Variants in TRMT11 observed in about 807,000 individuals in gnomAD.
The protein encoded by TRMT11 is tRNA methyltransferase 11.
In TRMT11, 53 loss-of-function variants were observed where a neutral mutation model predicts 62.8. That is an observed-to-expected ratio of 0.84 (90% CI 0.68 to 1.06). The LOEUF (loss-of-function observed/expected upper bound fraction) is 1.06, where lower values mean the gene tolerates loss of function less well. Among genes scored for constraint, TRMT11 ranks in the 50% least tolerant of loss-of-function variants. The probability of loss-of-function intolerance (pLI) is 0.00; values close to 1 mark genes in which losing one functional copy is unlikely to be tolerated. For synonymous variants in TRMT11, 188 were observed against 190.3 expected, an observed-to-expected ratio of 0.99 and a Z score of 0.10; for missense variants, 556 against 553.4, an observed-to-expected ratio of 1.00 and a Z score of -0.05.
At chr6:126,100,966 G>A (rs552835083) in intron 17 of TRMT11, among the ~76,000 whole-genome samples, 1 of 152,176 alleles carries the variant, frequency 6.6e-6, no homozygotes, top group African/African-American at 2.4e-5. Flanking sequence ...TTCTATGCAC[G>A]GTTCACAGTG....
the TRMT11 span, among the ~76,000 whole-genome samples, chr6:126,261,847 G>C: frequency 6.6e-6 from 1 of 152,180 alleles, no homozygotes; most frequent in African/African-American, 2.4e-5. Context: ...GCTCTGTCAG[G>C]CTTTCCAGGG....
chr6:126,167,618 T>C (rs1436591719), intron 21 of TRMT11, among the ~76,000 whole-genome samples: 1 of 152,224 alleles, frequency 6.6e-6, no homozygotes, highest in South Asian at 2.1e-4. Context: ...GTGTTCAGCT[T>C]ATCTAAAAAA....
intron 12 of TRMT11, among the ~76,000 whole-genome samples, chr6:126,034,908 T>A (rs1334417628): frequency 6.6e-6 from 1 of 152,032 alleles, no homozygotes; most frequent in Non-Finnish European, 1.5e-5. Flanking sequence ...TATTCCTGGT[T>A]GAGACGCGCA....
intron 21 of TRMT11, among the ~76,000 whole-genome samples, chr6:126,125,181 G>T (rs1777701377): frequency 6.6e-6 from 1 of 151,956 alleles, no homozygotes; most frequent in South Asian, 2.1e-4. Context: ...CATTTTTAGA[G>T]GTTTTATTTT....
At chr6:126,176,995 C>T (rs1180911794), upstream of TRMT11, among the ~76,000 whole-genome samples, 1 of 150,284 alleles carries the variant, frequency 6.7e-6, no homozygotes, top group Non-Finnish European at 1.5e-5. Context: ...TAGACTTCAA[C>T]AGATGTTTTT....
chr6:126,215,534 A>T, the TRMT11 span, among the ~76,000 whole-genome samples: 481 of 152,046 alleles, frequency 3.2e-3, 5 homozygotes, highest in African/African-American at 0.011. Flanking sequence ...TTCTATTTGC[A>T]TAGAAGATCT....
At chr6:126,174,693 A>G (rs1206646619), upstream of TRMT11, among the ~76,000 whole-genome samples, 5 of 152,212 alleles carry the variant, frequency 3.3e-5, no homozygotes, top group Non-Finnish European at 5.9e-5. Context: ...AATTAAGGTT[A>G]TATCTAGTTA....
In TRMT11 at chr6:125,998,123, G is replaced by T; in HGVS notation, c.283G>T (p.Val95Leu). ...ELYSSLKNYP[V>L]EKMVPFLHSD... The stretch of plus-strand genomic sequence containing the variant: ...GTACAGTTCTCTTAAAAACTACCCT[G>T]TGGAGAAGATGGTGCGTAGTAAAAT... The change falls in exon 4 of 13, where the codon GTG becomes TTG. Residue 95 changes from valine to leucine, a missense_variant. By Grantham distance (32) the Val-to-Leu change is conservative. Coordinates refer to ENST00000334379, the MANE Select transcript of TRMT11 (RefSeq NM_001031712.3). The T allele has an allele frequency of 1.9e-6, 3 of 1,613,464 alleles. No individual in the cohort carries two copies. Among genetic ancestry groups the T allele is most frequent in the Non-Finnish European group, 2.5e-6 (3 of 1,179,452 alleles).
intron 21 of TRMT11, among the ~76,000 whole-genome samples, chr6:126,144,658 C>T (rs912823333): frequency 1.3e-5 from 2 of 152,166 alleles, no homozygotes; most frequent in Non-Finnish European, 2.9e-5. Context: ...CAGATGTCTA[C>T]ATCCCTTCAC....
At chr6:126,214,483 C>A in the TRMT11 span, among the ~76,000 whole-genome samples, 17,572 of 151,854 alleles carry the variant, frequency 0.12, 3,366 homozygotes, top group African/African-American at 0.4. Context: ...GTGTCTAGCA[C>A]TTTATTCATT....
intron 17 of TRMT11, among the ~76,000 whole-genome samples, chr6:126,085,891 T>C (rs1403723734): frequency 6.6e-6 from 1 of 152,194 alleles, no homozygotes; most frequent in Non-Finnish European, 1.5e-5. Context: ...TTGTAGAATA[T>C]TGATGACAGT....
At chr6:126,267,586 A>G in the TRMT11 span, among the ~76,000 whole-genome samples, 1 of 152,198 alleles carries the variant, frequency 6.6e-6, no homozygotes, top group Non-Finnish European at 1.5e-5. Flanking sequence ...TTACTCTGCT[A>G]AATTTACCAT....
At chr6:126,055,272 C>T (rs1251896519) in intron 17 of TRMT11, among the ~76,000 whole-genome samples, 1 of 152,122 alleles carries the variant, frequency 6.6e-6, no homozygotes, top group Non-Finnish European at 1.5e-5. Flanking sequence ...GCCTTTACGA[C>T]CTTTTAAAAA....
chr6:126,133,885 C>T (rs1174288168), intron 21 of TRMT11, among the ~76,000 whole-genome samples: 1 of 151,548 alleles, frequency 6.6e-6, no homozygotes, highest in South Asian at 2.1e-4. Flanking sequence ...AAAGAACTAC[C>T]CTTTCTCAAT....
chr6:126,193,855 C>T (rs1407593825), intron 1 of TRMT11, among the ~76,000 whole-genome samples: 1 of 152,004 alleles, frequency 6.6e-6, no homozygotes, highest in African/African-American at 2.4e-5. Flanking sequence ...TGCTGTATTT[C>T]ATGGTACAGT....
intron 17 of TRMT11, among the ~76,000 whole-genome samples, chr6:126,082,457 G>A (rs1034249547): frequency 6.6e-6 from 1 of 151,950 alleles, no homozygotes; most frequent in Non-Finnish European, 1.5e-5. Flanking sequence ...GTGTTCTCTT[G>A]TTGGAAGACT....
chr6:125,989,371 C>T (rs1394807633), intron 1 of TRMT11, among the ~76,000 whole-genome samples: 2 of 152,054 alleles, frequency 1.3e-5, no homozygotes, highest in Admixed American at 1.3e-4. Flanking sequence ...TGTGATCCGA[C>T]TGCCTCATGC....
chr6:126,198,387 G>GAGGAAAAAA (rs1454225708), intron 1 of TRMT11, among the ~76,000 whole-genome samples: 8 of 152,046 alleles, frequency 5.3e-5, no homozygotes, highest in African/African-American at 1.7e-4. Flanking sequence ...TTTTTTAAAG[G>GAGGAAAAAA]TAATTTTAAA....
In TRMT11 at chr6:126,081,738, T is replaced by C. The variant is rs149554518; in HGVS notation, c.*1437+28548T>C. Among the ~76,000 whole-genome samples, 778 of 152,246 alleles carry C rather than the reference T, an allele frequency of 5.1e-3. 11 individuals carry two copies. Among genetic ancestry groups the C allele is most frequent in the African/African-American group, 0.018 (735 of 41,544 alleles). On this transcript the variant is annotated intron_variant and NMD_transcript_variant, in intron 17 of 22. Transcript: ENST00000648977. The stretch of plus-strand genomic sequence containing the variant: ...TTACCCAATAGGCTGCCAGTTTTGA[T>C]TGTGGACCAGAGAGAGAGGGGGCCC...
Sources: gnomAD v4.1 joint callset for allele counts (sites outside exome capture counted in the v4.1 genomes callset) on GRCh38, gnomAD v4.1.1 for gene constraint, MANE v1.5 for transcripts, NCBI Gene and HGNC (gene_info 2026-07-23, HGNC 2026-07-21) for gene names.